The following RHBDF1 variants were observed in gnomAD, a reference collection of about 807,000 sequenced individuals.
The protein encoded by RHBDF1 is inactive rhomboid protein 1.
Under a neutral mutation model 98.6 loss-of-function variants are expected in RHBDF1, and 80 were observed. The observed-to-expected ratio is 0.81, with a 90% CI of 0.68 to 0.98. The LOEUF is 0.98. RHBDF1 is among the 50% of genes least tolerant of loss of function. RHBDF1 has a pLI of 0.00. For synonymous variants in RHBDF1, 512 were observed against 486.8 expected (o/e 1.05, Z -0.68); for missense variants, 1,116 against 1,198.3 (o/e 0.93, Z 1.01).
chr16:62,874 G>A lies in RHBDF1; in HGVS notation c.696C>T (p.Thr232=), dbSNP rs1459159640. 38 of 1,613,832 alleles carry A rather than the reference G, an allele frequency of 2.4e-5. No individual in the cohort carries two copies. Among genetic ancestry groups the A allele is most frequent in the Non-Finnish European group, 3.1e-5 (37 of 1,179,986 alleles). Residue 232 remains threonine (T), a synonymous_variant, in exon 6 of 18, where the codon ACC becomes ACT. Coordinates refer to ENST00000262316, the MANE Select transcript of RHBDF1 (RefSeq NM_022450.5). ...AGCTTCGACGCTGTGCCCGGCGAAA[G>A]GTGCCATCCCTAACGGAGCGGCCCT... The part of the protein sequence containing the change: ...LMKGRSVRDG[T]FRRAQRRSFT...
At chr16:73,239 T>C (rs1221081404), upstream of RHBDF1, among the ~76,000 whole-genome samples, 1 of 152,030 alleles carries the variant, frequency 6.6e-6, no homozygotes. Context: ...CACACACACG[T>C]GTACACACCG....
intron 1 of RHBDF1, among the ~76,000 whole-genome samples, chr16:69,472 T>C (rs1897916208): frequency 6.6e-6 from 1 of 152,170 alleles, no homozygotes; most frequent in Middle Eastern, 3.4e-3. Context: ...TCAGCTCACA[T>C]GAGCCTCATC....
chr16:64,099 G>C lies in RHBDF1; in HGVS notation c.249-299C>G, dbSNP rs1019466320. ...AGGGGAGGCACTGAGTCCAGAGAAG[G>C]AGCTGAGAGCTCAACCCGAGAGAGC... On this transcript the variant is annotated intron_variant, in intron 3 of 17. Coordinates refer to ENST00000262316, the MANE Select transcript of RHBDF1 (RefSeq NM_022450.5). 9 of 621,880 alleles carry C rather than the reference G, an allele frequency of 1.4e-5. No individual in the cohort carries two copies. The African/African-American group carries it at 1.7e-4, about 11-fold the overall frequency. The allele number at this position is 621,880 out of a possible 1,614,324, so 38.5% of individuals were successfully genotyped here. A position where few individuals can be genotyped will look rare whatever the true frequency, so the allele number is the denominator to read the frequency against.
chr16:67,152 G>A (rs1453936118), intron 1 of RHBDF1, among the ~76,000 whole-genome samples: 2 of 152,218 alleles, frequency 1.3e-5, no homozygotes, highest in Non-Finnish European at 2.9e-5. Context: ...CAGACACTAA[G>A]GGTGGAATTT....
At chr16:73,604 G>A (rs966111014), upstream of RHBDF1, among the ~76,000 whole-genome samples, 8 of 152,174 alleles carry the variant, frequency 5.3e-5, no homozygotes, top group South Asian at 2.1e-4. Flanking sequence ...AGCAGAGTAC[G>A]GGCAGGGCTG....
Position 63,101 on chromosome 16 carries a change from CG to C in RHBDF1, c.543del (p.Val182SerfsTer33). On this transcript the variant is annotated frameshift_variant, in exon 5 of 18. Coordinates refer to ENST00000262316, the MANE Select transcript of RHBDF1 (RefSeq NM_022450.5). LOFTEE classifies it high-confidence loss of function. ...CAGAGGGAGGCAGCACCCGGCGTGA[CG>C]GGAGTGTGTGGGGCACTCAGGCCTT... The part of the protein sequence containing the change: ...TAEGLSAPHT[P>X]VTPGAASLCS... 6.2e-7 allele frequency: 1 copy of C among 1,608,732 alleles called. No individual in the cohort carries two copies. The highest frequency in any genetic ancestry group is 1.7e-4 in the Middle Eastern group (1 of 6,046).
At position 59,145 on chromosome 16, in the gene RHBDF1, C is replaced by T. The variant is rs374996809; in HGVS notation, c.1995-18G>A. ...GCAAGATCCTGTAGTCAGTAGCAGG[C>T]GGGGGTCGGGAGACATTCAGCAGGG... On this transcript the variant is annotated intron_variant, in intron 16 of 17. Coordinates refer to ENST00000262316, the MANE Select transcript of RHBDF1 (RefSeq NM_022450.5). 2.8e-5 allele frequency: 45 copies of T among 1,609,174 alleles called. No homozygotes were observed. Among genetic ancestry groups the T allele is most frequent in the Non-Finnish European group, 3.3e-5 (39 of 1,177,132 alleles).
Position 72,605 on chromosome 16 carries a change from C to T in RHBDF1, c.-117G>A. 1.0e-6 allele frequency: 1 copy of T among 977,696 alleles called. No individual in the cohort carries two copies. The allele number at this position is 977,696 out of a possible 1,614,324, so 60.6% of individuals were successfully genotyped here. On this transcript the variant is annotated 5_prime_UTR_variant, in exon 1 of 18. Transcript: ENST00000262316. ...GGGCCCGCGCCGAGTCCCCGCCCGC[C>T]CGCCGGTCCGGCCCGCCCGGGAATG...
At position 58,542 on chromosome 16, in the gene RHBDF1, T is replaced by G; in HGVS notation, c.2366A>C (p.Tyr789Ser). Reference sequence around the variant, plus strand: ...CAGGTCGAACTTGCCAAAGCTGATGTAGGGCAAGAAGGCGAAGGAGAGGAA... The same window carrying G: ...CAGGTCGAACTTGCCAAAGCTGATGGAGGGCAAGAAGGCGAAGGAGAGGAA... Reference protein sequence around the residue: ...GLFLSFAFLPYISFGKFDLYR... With the variant: ...GLFLSFAFLPSISFGKFDLYR... Residue 789 changes from tyrosine to serine, a missense_variant, in exon 18 of 18, where the codon TAC becomes TCC. By Grantham distance (144) the Tyr-to-Ser change is moderately radical. Transcript: ENST00000262316. 1 of 1,613,964 alleles carries G rather than the reference T, an allele frequency of 6.2e-7. No homozygotes were observed. The highest frequency in any genetic ancestry group is 8.5e-7 in the Non-Finnish European group (1 of 1,180,010).
In RHBDF1 at chr16:61,569, A is replaced by AGGCACAGGGGC; in HGVS notation, c.1320+5_1320+15dup. On this transcript the variant is annotated intron_variant, in intron 9 of 17. Transcript: ENST00000262316. ...GACTCCACTCGTCTGGGCCCAGGGAAGGCACAGGGGCTCACCGAGTCCACC... is the reference window on the plus strand; with the variant it reads ...GACTCCACTCGTCTGGGCCCAGGGAAGGCACAGGGGCGGCACAGGGGCTCACCGAGTCCACC... 1 of 1,612,354 alleles carries AGGCACAGGGGC rather than the reference A, an allele frequency of 6.2e-7. No homozygotes were observed. Among genetic ancestry groups the AGGCACAGGGGC allele is most frequent in the South Asian group, 1.1e-5 (1 of 91,074 alleles).
chr16:72,781 G>T, upstream of RHBDF1: 1 of 757,492 alleles, frequency 1.3e-6, no homozygotes, highest in Non-Finnish European at 1.6e-6. Flanking sequence ...CCCAGGGTCC[G>T]CCTGCGGGGA....
rs774331834 is a variant in RHBDF1 at position 59,510 on chromosome 16, A to G, written c.1818-16T>C. On this transcript the variant is annotated splice_polypyrimidine_tract_variant and intron_variant, in intron 14 of 17. Transcript: ENST00000262316. ...GATCTCACACCTAGAAAGGCAGGCC[A>G]GGGTTCGGAGACTGCTGCCTTGCAG... 4 of 1,610,650 alleles carry G rather than the reference A, an allele frequency of 2.5e-6. No individual in the cohort carries two copies. The highest frequency in any genetic ancestry group is 3.4e-6 in the Non-Finnish European group (4 of 1,178,334).
intron 1 of RHBDF1, among the ~76,000 whole-genome samples, chr16:70,221 G>A (rs1897936561): frequency 6.6e-6 from 1 of 152,318 alleles, no homozygotes; most frequent in South Asian, 2.1e-4. Flanking sequence ...AGATTCTGGG[G>A]GTAAACTGCC....
In RHBDF1 at chr16:59,830, G is replaced by C; in HGVS notation, c.1723-4C>G. On this transcript the variant is annotated splice_region_variant and splice_polypyrimidine_tract_variant and intron_variant, in intron 13 of 17. Transcript: ENST00000262316. ...CAGCGCTGTTTTTGGTGCAGATCTG[G>C]GTCACAAATGAGGACGAGCTGAGTC... The C allele has an allele frequency of 6.2e-7, 1 of 1,614,092 alleles. No individual in the cohort carries two copies. The highest frequency in any genetic ancestry group is 8.5e-7 in the Non-Finnish European group (1 of 1,180,000).
rs775519649 is a variant in RHBDF1, at chr16:65,024, G to A, written c.-9C>T. ...CTGCGGGCCTCACTCATGGTTCCTGGCAGAGCAAGGCAGGCCTGCGGGGCA... is the reference window on the plus strand; with the variant it reads ...CTGCGGGCCTCACTCATGGTTCCTGACAGAGCAAGGCAGGCCTGCGGGGCA... On this transcript the variant is annotated 5_prime_UTR_variant, in exon 2 of 18. Transcript: ENST00000262316. 6.6e-7 allele frequency: 1 copy of A among 1,508,970 alleles called. No homozygotes were observed. Among genetic ancestry groups the A allele is most frequent in the Non-Finnish European group, 8.8e-7 (1 of 1,130,172 alleles). 93.5% of individuals were successfully genotyped at this position (1,508,970 alleles called of 1,614,324 possible).
intron 1 of RHBDF1, among the ~76,000 whole-genome samples, chr16:72,155 T>TA (rs1311664837): frequency 2.6e-5 from 4 of 152,186 alleles, no homozygotes; most frequent in Middle Eastern, 3.2e-3. Context: ...CCCCGGACTC[T>TA]AGACTCCCGC....
intron 1 of RHBDF1, among the ~76,000 whole-genome samples, chr16:71,967 A>C (rs528718462): frequency 1.1e-4 from 17 of 152,334 alleles, no homozygotes; most frequent in Admixed American, 1.0e-3. Flanking sequence ...GTCGTGGGGC[A>C]GAAGGCGGAG....
At chr16:60,346 T>G in intron 12 of RHBDF1, 67 bp from the exon 13 acceptor site, 1 of 1,606,954 alleles carries the variant, frequency 6.2e-7, no homozygotes, top group Non-Finnish European at 8.5e-7. Context: ...TCCAGCCAAG[T>G]CGCCAACAAG....
At chr16:71,370 A>AG (rs1897963386) in intron 1 of RHBDF1, among the ~76,000 whole-genome samples, 1 of 152,174 alleles carries the variant, frequency 6.6e-6, no homozygotes, top group East Asian at 1.9e-4. Flanking sequence ...CCCTGGTGGC[A>AG]GGGGGCTCCG....
Sources: gnomAD v4.1 joint callset for allele counts (sites outside exome capture counted in the v4.1 genomes callset) on GRCh38, gnomAD v4.1.1 for gene constraint, MANE v1.5 for transcripts, NCBI Gene and HGNC (gene_info 2026-07-23, HGNC 2026-07-21) for gene names.